ESCO1: variants seen among roughly 807,000 people sequenced by gnomAD.
ESCO1 encodes N-acetyltransferase ESCO1.
ESCO1 carries 33 observed loss-of-function variants against 83.5 expected under a neutral mutation model. The observed-to-expected ratio is 0.40, with a 90% CI of 0.30 to 0.53. The LOEUF (loss-of-function observed/expected upper bound fraction) is 0.53, where lower values mean the gene tolerates loss of function less well. Ranked by LOEUF, ESCO1 falls within the 20% of genes least tolerant of loss-of-function variation. The pLI is 0.63. For missense variants in ESCO1, 855 were observed against 968.0 expected (o/e 0.88, Z 1.55); for synonymous variants, 332 against 324.3 (o/e 1.02, Z -0.25).
intron 6 of ESCO1, among the ~76,000 whole-genome samples, 179 bp downstream of exon 6, chr18:21,565,967 A>G (rs750310199): frequency 1.4e-4 from 21 of 152,278 alleles, no homozygotes; most frequent in Non-Finnish European, 1.6e-4. Flanking sequence ...AGAATGAGGT[A>G]GTAGGGTAGA....
At chr18:21,585,524 CA>C (rs1244550330) in intron 1 of ESCO1, among the ~76,000 whole-genome samples, 2 of 152,172 alleles carry the variant, frequency 1.3e-5, no homozygotes. Flanking sequence ...AATTCTATCC[CA>C]TTGGTCTTTA....
intron 9 of ESCO1, among the ~76,000 whole-genome samples, chr18:21,538,155 C>A (rs1466166161): frequency 1.3e-5 from 2 of 151,876 alleles, no homozygotes; most frequent in Non-Finnish European, 2.9e-5. Flanking sequence ...TTGGGGGAAT[C>A]AAAAGTTGTA....
chr18:21,581,093 C>T (rs548899893), intron 2 of ESCO1, among the ~76,000 whole-genome samples: 2 of 152,018 alleles, frequency 1.3e-5, no homozygotes, highest in Non-Finnish European at 2.9e-5. Flanking sequence ...GGGCTCATCA[C>T]GAGGTCAGGA....
At chr18:21,599,905 G>A (rs2038817807) in intron 1 of ESCO1, among the ~76,000 whole-genome samples, 1 of 152,132 alleles carries the variant, frequency 6.6e-6, no homozygotes, top group African/African-American at 2.4e-5. Flanking sequence ...AAAAATCGAG[G>A]ACCCAATTCT....
At chr18:21,577,659 CAAAAAAA>C (rs60796995) in intron 2 of ESCO1, among the ~76,000 whole-genome samples, 2 of 69,220 alleles carry the variant, frequency 2.9e-5, no homozygotes, top group Admixed American at 2.9e-4. Context: ...GACTCCGTCT[CAAAAAAA>C]AAAAAAAAAA....
chr18:21,541,541 T>C lies in ESCO1; in HGVS notation c.1954-1532A>G, dbSNP rs552579668. 3.0e-3 allele frequency among the ~76,000 whole-genome samples: 432 copies of C among 145,242 alleles called. 5 individuals carry two copies. Among genetic ancestry groups the C allele is most frequent in the African/African-American group, 0.01 (406 of 39,044 alleles). On this transcript the variant is annotated intron_variant, in intron 8 of 11. Coordinates refer to ENST00000269214, the MANE Select transcript of ESCO1 (RefSeq NM_052911.3). ...TCGGGAGGTGGAGGTTGCAGTGAGC[T>C]GAGTTCGCGCCATTGCACTCCAGCC...
intron 8 of ESCO1, among the ~76,000 whole-genome samples, chr18:21,542,530 G>C (rs977096598): frequency 6.6e-6 from 1 of 152,146 alleles, no homozygotes; most frequent in African/African-American, 2.4e-5. Context: ...CACTTGGGTA[G>C]GTACGAGGGT....
At chr18:21,591,498 A>T (rs2038667727) in intron 1 of ESCO1, among the ~76,000 whole-genome samples, 1 of 152,164 alleles carries the variant, frequency 6.6e-6, no homozygotes, top group Non-Finnish European at 1.5e-5. Context: ...CTTACACAAA[A>T]TTCTTTACAC....
chr18:21,571,523 G>A (rs1373891016), intron 4 of ESCO1, among the ~76,000 whole-genome samples: 4 of 152,006 alleles, frequency 2.6e-5, no homozygotes, highest in African/African-American at 4.8e-5. Context: ...CCAAACAGAG[G>A]GGCTGCATAA....
intron 2 of ESCO1, among the ~76,000 whole-genome samples, chr18:21,582,863 C>T (rs1488830772): frequency 6.6e-6 from 1 of 152,184 alleles, no homozygotes; most frequent in African/African-American, 2.4e-5. Context: ...CAGGACAATC[C>T]ACCTATCAAA....
At chr18:21,563,021 A>G (rs1347350329) in intron 7 of ESCO1, among the ~76,000 whole-genome samples, 1 of 150,668 alleles carries the variant, frequency 6.6e-6, no homozygotes, top group Non-Finnish European at 1.5e-5. Flanking sequence ...ATAGGAACGA[A>G]TCACCACGCC....
intron 5 of ESCO1, 83 bp from the exon 6 acceptor site, chr18:21,566,289 G>GA (rs1057040565): frequency 1.2e-5 from 15 of 1,279,888 alleles, no homozygotes; most frequent in African/African-American, 1.5e-5. Context: ...TATACATAAA[G>GA]AAAAAAACCT....
chr18:21,534,785 T>C (rs915226569), intron 10 of ESCO1, among the ~76,000 whole-genome samples: 6 of 151,908 alleles, frequency 3.9e-5, no homozygotes, highest in African/African-American at 1.5e-4. Flanking sequence ...ACACCACATC[T>C]GGCTAATTTT....
intron 10 of ESCO1, among the ~76,000 whole-genome samples, chr18:21,533,756 G>T (rs1179929691): frequency 1.3e-5 from 2 of 152,066 alleles, no homozygotes; most frequent in Admixed American, 1.3e-4. Flanking sequence ...TTCAATTTCA[G>T]TATGGCAAAC....
chr18:21,555,108 T>C (rs2038096546), intron 8 of ESCO1, among the ~76,000 whole-genome samples: 2 of 151,648 alleles, frequency 1.3e-5, no homozygotes, highest in African/African-American at 2.4e-5. Context: ...ACTAACTAAC[T>C]AAATAAAGAC....
intron 9 of ESCO1, 41 bp from the exon 10 acceptor site, chr18:21,536,226 T>C: frequency 1.9e-6 from 3 of 1,576,238 alleles, no homozygotes; most frequent in Non-Finnish European, 1.7e-6. Context: ...AATGAAAATA[T>C]TATATACATG....
At chr18:21,587,893 C>T (rs923446822) in intron 1 of ESCO1, among the ~76,000 whole-genome samples, 3 of 151,654 alleles carry the variant, frequency 2.0e-5, no homozygotes, top group South Asian at 2.1e-4. Context: ...CACAGCAAAA[C>T]GTCAAAACAA....
In ESCO1 at chr18:21,568,075, T is replaced by G. The variant is rs1365389850; in HGVS notation, c.1550A>C (p.Glu517Ala). 1 of 1,613,704 alleles carries G rather than the reference T, an allele frequency of 6.2e-7. No homozygotes were observed. The highest frequency in any genetic ancestry group is 8.5e-7 in the Non-Finnish European group (1 of 1,179,888). ...CACTGGACTGTTTTCTAGCTTGGAT[T>G]CCAAACATTGGCTGAAATTCTGAAC... is the stretch of plus-strand genomic sequence containing the variant. Reference protein sequence around the residue: ...ASNKNFSQCLESKLENSPVEN... With the variant: ...ASNKNFSQCLASKLENSPVEN... Residue 517 changes from glutamate (E) to alanine (A), a missense_variant, in exon 5 of 12, where the codon GAA becomes GCA. Physicochemically the swap from Glu to Ala is moderately radical, Grantham distance 107. Transcript: ENST00000269214.
chr18:21,556,079 ACT>A (rs1359521236), intron 8 of ESCO1, among the ~76,000 whole-genome samples: 5 of 151,606 alleles, frequency 3.3e-5, no homozygotes, highest in African/African-American at 1.2e-4. Flanking sequence ...ACATGGTGAA[ACT>A]CTGTCTCTAC....
Sources: allele counts gnomAD v4.1 joint callset (sites outside exome capture counted in the v4.1 genomes callset), GRCh38; gene constraint gnomAD v4.1.1; transcripts MANE v1.5; gene names NCBI Gene and HGNC (gene_info 2026-07-23, HGNC 2026-07-21).